RNLS: variants seen among roughly 807,000 people sequenced by gnomAD.
The protein encoded by RNLS is renalase, FAD dependent amine oxidase, also known as renalase.
Under a neutral mutation model 39.8 loss-of-function variants are expected in RNLS, and 39 were observed. The ratio of observed to expected loss-of-function variants is 0.98; its 90% CI spans 0.76 to 1.28. The LOEUF (loss-of-function observed/expected upper bound fraction) is 1.28, where lower values mean the gene tolerates loss of function less well. RNLS is among the 50% of genes most tolerant of loss of function. The probability of loss-of-function intolerance (pLI) is 0.00; values close to 1 mark genes in which losing one functional copy is unlikely to be tolerated. For missense variants in RNLS, 410 were observed against 413.3 expected, an observed-to-expected ratio of 0.99 and a Z score of 0.07; for synonymous variants, 147 against 150.7, an observed-to-expected ratio of 0.98 and a Z score of 0.18.
chr10:88,449,066 T>A (rs1003928144), intron 4 of RNLS, among the ~76,000 whole-genome samples: 2 of 152,138 alleles, frequency 1.3e-5, no homozygotes, highest in African/African-American at 4.8e-5. Context: ...AGTTAATAGG[T>A]GCAGCACACC....
At chr10:88,469,334 C>T (rs1456191766) in intron 4 of RNLS, among the ~76,000 whole-genome samples, 1 of 152,206 alleles carries the variant, frequency 6.6e-6, no homozygotes, top group African/African-American at 2.4e-5. Context: ...CTGTTTGAGG[C>T]ATGTGGCTCA....
At chr10:88,201,111 G>C in the RNLS span, among the ~76,000 whole-genome samples, 1 of 151,992 alleles carries the variant, frequency 6.6e-6, no homozygotes, top group Non-Finnish European at 1.5e-5. Flanking sequence ...ATGGAGAGCA[G>C]AGGCCATAGA....
At chr10:88,352,735 C>A (rs1444884976) in intron 5 of RNLS, among the ~76,000 whole-genome samples, 3 of 152,158 alleles carry the variant, frequency 2.0e-5, no homozygotes, top group Non-Finnish European at 4.4e-5. Flanking sequence ...AGGGAGGATT[C>A]CCTCTTTTTC....
chr10:88,424,423 G>A (rs1854589352), intron 4 of RNLS, among the ~76,000 whole-genome samples: 1 of 152,070 alleles, frequency 6.6e-6, no homozygotes, highest in Admixed American at 6.6e-5. Flanking sequence ...AGAGGAATAG[G>A]TGGCTTGAAT....
At chr10:88,367,512 T>C (rs1189835700) in intron 4 of RNLS, among the ~76,000 whole-genome samples, 1 of 152,188 alleles carries the variant, frequency 6.6e-6, no homozygotes, top group Non-Finnish European at 1.5e-5. Flanking sequence ...GGTTATTACA[T>C]ATTTAATGTG....
At chr10:88,250,401 G>C in the RNLS span, among the ~76,000 whole-genome samples, 1 of 152,186 alleles carries the variant, frequency 6.6e-6, no homozygotes, top group African/African-American at 2.4e-5. Flanking sequence ...CTGATATGAA[G>C]CAAAGGCTAT....
chr10:88,217,798 G>T, the RNLS span, among the ~76,000 whole-genome samples: 1 of 143,332 alleles, frequency 7.0e-6, no homozygotes, highest in East Asian at 2.1e-4. Flanking sequence ...CCAGAACTTT[G>T]GGAGGCCAAA....
chr10:88,526,747 C>G (rs1379693417), intron 4 of RNLS, among the ~76,000 whole-genome samples: 1 of 148,320 alleles, frequency 6.7e-6, no homozygotes, highest in African/African-American at 2.5e-5. Context: ...GTCTGGGTGA[C>G]AGAGCAAGAC....
At chr10:88,577,424 C>T (rs925149875) in intron 3 of RNLS, among the ~76,000 whole-genome samples, 1 of 152,112 alleles carries the variant, frequency 6.6e-6, no homozygotes, top group Non-Finnish European at 1.5e-5. Context: ...GTTCTGTTAC[C>T]AACTAGCCAA....
At chr10:88,571,431 A>C (rs1198318523) in intron 4 of RNLS, among the ~76,000 whole-genome samples, 1 of 152,208 alleles carries the variant, frequency 6.6e-6, no homozygotes, top group Non-Finnish European at 1.5e-5. Context: ...TGTATACAGT[A>C]TGTACAGCTT....
chr10:88,310,356 C>T (rs779685033), intron 6 of RNLS, among the ~76,000 whole-genome samples: 54 of 152,152 alleles, frequency 3.5e-4, no homozygotes, highest in Non-Finnish European at 7.8e-4. Context: ...GTTCCTAACA[C>T]TGGATTCATG....
chr10:88,203,806 A>G, the RNLS span, among the ~76,000 whole-genome samples: 24 of 151,766 alleles, frequency 1.6e-4, no homozygotes, highest in Non-Finnish European at 2.8e-4. Flanking sequence ...CTGTAGGAAC[A>G]TAGAGATACA....
At chr10:88,266,453 T>G in the RNLS span, among the ~76,000 whole-genome samples, 1 of 152,164 alleles carries the variant, frequency 6.6e-6, no homozygotes, top group Non-Finnish European at 1.5e-5. Flanking sequence ...TTTCCCCCTT[T>G]ACAACTAACA....
At chr10:88,224,281 A>G in the RNLS span, among the ~76,000 whole-genome samples, 49 of 152,300 alleles carry the variant, frequency 3.2e-4, 1 homozygote, top group East Asian at 2.5e-3. Flanking sequence ...CACATGGCAG[A>G]AGGGCAAGAC....
chr10:88,189,230 C>G, the RNLS span, among the ~76,000 whole-genome samples: 1 of 152,122 alleles, frequency 6.6e-6, no homozygotes, highest in African/African-American at 2.4e-5. Context: ...ATTCTCTTAA[C>G]ATTTCAGATA....
chr10:88,339,458 G>A (rs991241619), intron 5 of RNLS, among the ~76,000 whole-genome samples: 9 of 152,150 alleles, frequency 5.9e-5, no homozygotes, highest in African/African-American at 2.2e-4. Flanking sequence ...TATCAAAAAA[G>A]TACGATTTGG....
chr10:88,393,836 A>G (rs1205209316), intron 4 of RNLS, among the ~76,000 whole-genome samples: 1 of 152,254 alleles, frequency 6.6e-6, no homozygotes, highest in Non-Finnish European at 1.5e-5. Flanking sequence ...TACTGGTACC[A>G]AAACAGAGAT....
intron 5 of RNLS, among the ~76,000 whole-genome samples, chr10:88,331,745 T>C (rs985425812): frequency 6.6e-6 from 1 of 152,126 alleles, no homozygotes; most frequent in South Asian, 2.1e-4. Context: ...CCTTCTCCAG[T>C]CCATTTGGAA....
chr10:88,527,607 G>T (rs548584084), intron 4 of RNLS, among the ~76,000 whole-genome samples: 177 of 152,288 alleles, frequency 1.2e-3, no homozygotes, highest in African/African-American at 4.2e-3. Context: ...GGTCCCCCTT[G>T]AAATGGTCGA....
Sources: gnomAD v4.1 joint callset for allele counts (sites outside exome capture counted in the v4.1 genomes callset) on GRCh38, gnomAD v4.1.1 for gene constraint, MANE v1.5 for transcripts, NCBI Gene and HGNC (gene_info 2026-07-23, HGNC 2026-07-21) for gene names.